LTBP1: variants seen among roughly 807,000 people sequenced by gnomAD.
LTBP1 encodes latent-transforming growth factor beta-binding protein 1.
A neutral mutation model predicts 207.6 loss-of-function variants in LTBP1; 129 were observed. The observed-to-expected ratio is 0.62, with a 90% CI of 0.54 to 0.72. LTBP1 has a LOEUF of 0.72. Ranked by LOEUF, LTBP1 falls within the 30% of genes least tolerant of loss-of-function variation. The pLI is 0.00. For missense variants in LTBP1, 2,281 were observed against 2,217.2 expected (o/e 1.03, Z -0.58); for synonymous variants, 963 against 833.7 (o/e 1.16, Z -2.67).
chr2:33,308,326 G>T (rs1214285294), intron 22 of LTBP1, among the ~76,000 whole-genome samples: 1 of 152,114 alleles, frequency 6.6e-6, no homozygotes, highest in African/African-American at 2.4e-5. Context: ...TTTTAGTTGC[G>T]CATTTGCTAT....
chr2:33,252,190 C>T (rs2092704886), intron 10 of LTBP1, among the ~76,000 whole-genome samples: 1 of 152,156 alleles, frequency 6.6e-6, no homozygotes, highest in African/African-American at 2.4e-5. Context: ...CCTGATGGGC[C>T]CTGCAAGCTC....
At chr2:33,202,052 C>CACACACACACACACACACAT (rs1171874659) in intron 7 of LTBP1, among the ~76,000 whole-genome samples, 1 of 151,380 alleles carries the variant, frequency 6.6e-6, no homozygotes, top group African/African-American at 2.4e-5. Context: ...CACACACACA[C>CACACACACACACACACACAT]ACACACACAG....
chr2:33,273,726 T>C lies in LTBP1; in HGVS notation c.2688T>C (p.Tyr896=), dbSNP rs754896762. 8.1e-6 allele frequency: 13 copies of C among 1,611,446 alleles called. No individual in the cohort carries two copies. Among genetic ancestry groups the C allele is most frequent in the African/African-American group, 5.3e-5 (4 of 74,870 alleles). ...ACTGCATTAACCTACCAGTGAGATA[T>C]ACCTGTATATGCTACGAGGGCTACA... ...AGHCINLPVR[Y]TCICYEGYRF... The change falls in exon 16 of 34, where the codon TAT becomes TAC. Residue 896 remains tyrosine, a synonymous_variant. Coordinates refer to ENST00000404816, the MANE Select transcript of LTBP1 (RefSeq NM_206943.4).
chr2:33,312,854 TAAGA>T (rs933298698), intron 23 of LTBP1, among the ~76,000 whole-genome samples: 7 of 152,114 alleles, frequency 4.6e-5, no homozygotes, highest in African/African-American at 1.4e-4. Flanking sequence ...TAGGATAAAA[TAAGA>T]AGAGGGGTCT....
At chr2:33,306,843 A>G (rs1310957421) in intron 22 of LTBP1, among the ~76,000 whole-genome samples, 1 of 152,112 alleles carries the variant, frequency 6.6e-6, no homozygotes, top group Non-Finnish European at 1.5e-5. Context: ...TAATCCCAGC[A>G]CTTTGGGAGG....
In LTBP1 at chr2:33,086,156, A is replaced by G. The variant is rs111457067; in HGVS notation, c.864-24426A>G. Among the ~76,000 whole-genome samples the G allele has an allele frequency of 9.1e-3, 1,381 of 152,314 alleles. 18 individuals are homozygous for G. Among genetic ancestry groups the G allele is most frequent in the African/African-American group, 0.032 (1,325 of 41,572 alleles). On this transcript the variant is annotated intron_variant, in intron 3 of 33. Coordinates refer to ENST00000404816, the MANE Select transcript of LTBP1 (RefSeq NM_206943.4). ...AGGTACCGCATTAGCATGGAAGGGA[A>G]CCATCAGTAAGTCATGGGACGCAAC...
intron 3 of LTBP1, among the ~76,000 whole-genome samples, chr2:33,101,078 G>T (rs539816352): frequency 6.6e-6 from 1 of 152,148 alleles, no homozygotes; most frequent in African/African-American, 2.4e-5. Context: ...TGGTAATTCT[G>T]TGCTTAATAG....
At chr2:33,145,625 T>C (rs1040876945) in intron 5 of LTBP1, among the ~76,000 whole-genome samples, 30 of 152,230 alleles carry the variant, frequency 2.0e-4, no homozygotes, top group Non-Finnish European at 3.8e-4. Context: ...CTGGATCTTC[T>C]TGTATTAATA....
intron 2 of LTBP1, among the ~76,000 whole-genome samples, chr2:32,953,204 T>C (rs1677462621): frequency 6.6e-6 from 1 of 152,212 alleles, no homozygotes; most frequent in South Asian, 2.1e-4. Flanking sequence ...CCCTTGGTGC[T>C]CAGAGATGCA....
At chr2:33,330,196 T>C (rs2094477205) in intron 24 of LTBP1, among the ~76,000 whole-genome samples, 2 of 152,100 alleles carry the variant, frequency 1.3e-5, no homozygotes, top group African/African-American at 2.4e-5. Context: ...TAGAGCTAAA[T>C]TTGATTTTTG....
In LTBP1 at chr2:33,252,685, C is replaced by A. The variant is rs772019696; in HGVS notation, c.2008C>A (p.Pro670Thr). 3 of 1,611,486 alleles carry A rather than the reference C, an allele frequency of 1.9e-6. No homozygotes were observed. The Admixed American group carries it at 5.0e-5, about 27-fold the overall frequency. The change falls in exon 11 of 34, where the codon CCT (proline) becomes ACT (threonine). Residue 670 changes from proline (P) to threonine (T), a missense_variant. Coordinates refer to ENST00000404816, the MANE Select transcript of LTBP1 (RefSeq NM_206943.4). ...PTFSSCVPDP[P>T]VISEEKGPCY... ...TTATCTCTCTGCTTCAGCTGATCCCCCTGTGATCTCGGAAGAGAAAGGGCC... is the reference window on the plus strand; with the variant it reads ...TTATCTCTCTGCTTCAGCTGATCCCACTGTGATCTCGGAAGAGAAAGGGCC...
chr2:33,150,632 A>G (rs1383288445), intron 5 of LTBP1, among the ~76,000 whole-genome samples: 3 of 149,564 alleles, frequency 2.0e-5, no homozygotes, highest in African/African-American at 4.9e-5. Context: ...TGAGTATTTT[A>G]GAGACTTACT....
chr2:33,080,465 A>C (rs918732814), intron 3 of LTBP1, among the ~76,000 whole-genome samples: 2 of 152,144 alleles, frequency 1.3e-5, no homozygotes, highest in Non-Finnish European at 2.9e-5. Flanking sequence ...TTCTTTTTAT[A>C]ATATCTGTGT....
chr2:33,197,004 G>A (rs1439226047), intron 7 of LTBP1, among the ~76,000 whole-genome samples: 4 of 152,208 alleles, frequency 2.6e-5, no homozygotes. Context: ...CACCTTGACA[G>A]AGAATGCCAA....
At position 33,142,144 on chromosome 2, in the gene LTBP1, C is replaced by T. The variant is rs371794464; in HGVS notation, c.1201+7184C>T. 2.7e-4 allele frequency among the ~76,000 whole-genome samples: 41 copies of T among 152,208 alleles called. No homozygotes were observed. In the East Asian group the frequency reaches 7.2e-3, roughly 27 times the overall value. On this transcript the variant is annotated intron_variant, in intron 5 of 33. Transcript: ENST00000404816. ...TCGGCTCACTGCAAGCTCCGCCTCC[C>T]GGGTTCACGCCATTCTCATGCCTCA... is the stretch of plus-strand genomic sequence containing the variant.
At chr2:32,968,402 C>T (rs543359425) in intron 2 of LTBP1, among the ~76,000 whole-genome samples, 13 of 152,330 alleles carry the variant, frequency 8.5e-5, no homozygotes, top group African/African-American at 3.1e-4. Context: ...ATTTTCCTTG[C>T]TCTGACGCCA....
intron 2 of LTBP1, among the ~76,000 whole-genome samples, chr2:33,019,811 G>C (rs2075066930): frequency 6.6e-6 from 1 of 151,830 alleles, no homozygotes; most frequent in Non-Finnish European, 1.5e-5. Flanking sequence ...TCGACCTCCT[G>C]AGCTCAAGAG....
chr2:33,272,738 G>A (rs2093348223), intron 15 of LTBP1, among the ~76,000 whole-genome samples: 1 of 152,192 alleles, frequency 6.6e-6, no homozygotes, highest in African/African-American at 2.4e-5. Context: ...CTGTCTTCAA[G>A]CCAGTGCTTC....
intron 31 of LTBP1, among the ~76,000 whole-genome samples, chr2:33,366,319 T>C (rs1193582352): frequency 6.6e-6 from 1 of 152,230 alleles, no homozygotes; most frequent in African/African-American, 2.4e-5. Flanking sequence ...CAAAGGAGTT[T>C]ATTATGAATA....
Sources: allele counts gnomAD v4.1 joint callset (sites outside exome capture counted in the v4.1 genomes callset), GRCh38; gene constraint gnomAD v4.1.1; transcripts MANE v1.5; gene names NCBI Gene and HGNC (gene_info 2026-07-23, HGNC 2026-07-21).